Variants in PREX2 observed in about 807,000 individuals in gnomAD.
The protein encoded by PREX2 is phosphatidylinositol-3,4,5-trisphosphate dependent Rac exchange factor 2, also known as phosphatidylinositol 3,4,5-trisphosphate-dependent Rac exchanger 2 protein.
Under a neutral mutation model 203.2 loss-of-function variants are expected in PREX2, and 107 were observed. The observed-to-expected ratio is 0.53, with a 90% CI of 0.45 to 0.62. The LOEUF (loss-of-function observed/expected upper bound fraction) is 0.62. PREX2 is among the 20% of genes least tolerant of loss of function. The pLI is 0.00. For synonymous variants in PREX2, 672 were observed against 663.6 expected (o/e 1.01, Z -0.19); for missense variants, 1,777 against 1,955.9 (o/e 0.91, Z 1.72).
At chr8:67,967,606 G>C (rs940853787) in intron 1 of PREX2, among the ~76,000 whole-genome samples, 2 of 152,184 alleles carry the variant, frequency 1.3e-5, no homozygotes, top group African/African-American at 2.4e-5. Context: ...TAGCAGCGAG[G>C]GGATGGAAGC....
chr8:68,043,057 A>G (rs1808245240), intron 7 of PREX2, among the ~76,000 whole-genome samples: 2 of 152,226 alleles, frequency 1.3e-5, no homozygotes, highest in East Asian at 1.9e-4. Context: ...TCAAAACACC[A>G]TGATATTATT....
At chr8:68,114,660 C>G (rs1333917324) in intron 25 of PREX2, among the ~76,000 whole-genome samples, 1 of 152,206 alleles carries the variant, frequency 6.6e-6, no homozygotes, top group Non-Finnish European at 1.5e-5. Flanking sequence ...GCATTTTAGC[C>G]TGGAGCCAGG....
chr8:67,961,229 A>G (rs2129017364), intron 1 of PREX2, among the ~76,000 whole-genome samples: 1 of 152,146 alleles, frequency 6.6e-6, no homozygotes, highest in South Asian at 2.1e-4. Flanking sequence ...TTTCAGCACT[A>G]TTGGTTTGAC....
At chr8:68,067,995 T>C (rs1809071459) in intron 11 of PREX2, among the ~76,000 whole-genome samples, 2 of 152,232 alleles carry the variant, frequency 1.3e-5, no homozygotes, top group East Asian at 1.9e-4. Flanking sequence ...TTTTATTCTG[T>C]TAATGTGATG....
At position 68,018,018 on chromosome 8, in the gene PREX2, C is replaced by T. The variant is rs1807455292; in HGVS notation, c.213+101C>T. The T allele has an allele frequency of 6.2e-6, 5 of 809,294 alleles. 1 individual carries two copies. The South Asian group carries it at 7.4e-5, about 12-fold the overall frequency. The allele number at this position is 809,294 out of a possible 1,614,324, so 50.1% of individuals were successfully genotyped here. ...ACAGCCCTTCAGTTGATCGGCAGTTCCACTACAAGTTGCTGTTCCAGTCAG... is the reference window on the plus strand; with the variant it reads ...ACAGCCCTTCAGTTGATCGGCAGTTTCACTACAAGTTGCTGTTCCAGTCAG... On this transcript the variant is annotated intron_variant, in intron 2 of 39. Coordinates refer to ENST00000288368, the MANE Select transcript of PREX2 (RefSeq NM_024870.4).
intron 11 of PREX2, among the ~76,000 whole-genome samples, chr8:68,062,670 G>A (rs1472609590): frequency 6.6e-6 from 1 of 152,038 alleles, no homozygotes; most frequent in Non-Finnish European, 1.5e-5. Context: ...AAAAATCTTT[G>A]TATTCATTAC....
chr8:68,078,522 T>C (rs1809416953), intron 15 of PREX2, among the ~76,000 whole-genome samples: 1 of 152,198 alleles, frequency 6.6e-6, no homozygotes, highest in African/African-American at 2.4e-5. Context: ...CTTATACCTG[T>C]TTGTCAGTTA....
chr8:68,094,268 A>C (rs1314246754), intron 21 of PREX2, among the ~76,000 whole-genome samples: 2 of 152,224 alleles, frequency 1.3e-5, no homozygotes, highest in Non-Finnish European at 2.9e-5. Context: ...TTAAAATTCG[A>C]GAAGCCCTGC....
At chr8:68,051,647 A>G (rs905638453) in intron 8 of PREX2, among the ~76,000 whole-genome samples, 1 of 152,194 alleles carries the variant, frequency 6.6e-6, no homozygotes, top group Non-Finnish European at 1.5e-5. Flanking sequence ...ACTAATGCCC[A>G]TGAATACTTA....
intron 31 of PREX2, among the ~76,000 whole-genome samples, chr8:68,129,138 C>A (rs1810952778): frequency 6.6e-6 from 1 of 152,138 alleles, no homozygotes; most frequent in African/African-American, 2.4e-5. Flanking sequence ...TTAATAATAA[C>A]CAGCACATAG....
At chr8:68,112,228 A>C (rs1452533232) in intron 25 of PREX2, among the ~76,000 whole-genome samples, 1 of 152,248 alleles carries the variant, frequency 6.6e-6, no homozygotes, top group Non-Finnish European at 1.5e-5. Flanking sequence ...TGGAAAGTTA[A>C]AGACTTTTGC....
rs140338845 is a variant in PREX2, at chr8:68,169,921, A to G, written c.4346+12485A>G. On this transcript the variant is annotated intron_variant, in intron 35 of 39. Coordinates refer to ENST00000288368, the MANE Select transcript of PREX2 (RefSeq NM_024870.4). ...TGAACAAGTAAACAAGTCCATAAAC[A>G]AAGTCTTTTAGATGGTGGAAAATGC... Among the ~76,000 whole-genome samples, 801 of 152,318 alleles carry G rather than the reference A, an allele frequency of 5.3e-3. 2 individuals are homozygous for G. The highest frequency in any genetic ancestry group is 7.9e-3 in the Non-Finnish European group (539 of 68,032).
chr8:68,049,207 A>G (rs955318963), intron 8 of PREX2, among the ~76,000 whole-genome samples: 9 of 150,650 alleles, frequency 6.0e-5, no homozygotes, highest in African/African-American at 2.2e-4. Flanking sequence ...AAAATCAAAG[A>G]TTTATTCAAA....
chr8:68,178,008 A>G (rs1475921104), intron 35 of PREX2, among the ~76,000 whole-genome samples: 2 of 152,176 alleles, frequency 1.3e-5, no homozygotes, highest in African/African-American at 4.8e-5. Flanking sequence ...CATGGTTTAT[A>G]TATACCACAT....
intron 35 of PREX2, among the ~76,000 whole-genome samples, chr8:68,173,310 C>G (rs1233685178): frequency 1.3e-5 from 2 of 152,122 alleles, no homozygotes; most frequent in African/African-American, 4.8e-5. Flanking sequence ...TTGGAGACAT[C>G]TCAAGAAAAT....
At chr8:68,143,406 C>T (rs1242552795) in intron 33 of PREX2, among the ~76,000 whole-genome samples, 2 of 152,132 alleles carry the variant, frequency 1.3e-5, no homozygotes, top group African/African-American at 4.8e-5. Context: ...TTATAAGTTT[C>T]CTGAGGCCTC....
Position 68,234,827 on chromosome 8 carries a change from C to A in PREX2, c.*3449C>A, listed in dbSNP as rs1287716983. 6.6e-6 allele frequency: 1 copy of A among 151,970 alleles called. No homozygotes were observed. Among genetic ancestry groups the A allele is most frequent in the Non-Finnish European group, 1.5e-5 (1 of 68,014 alleles). The allele number at this position is 151,970 out of a possible 1,614,324, so 9.4% of individuals were successfully genotyped here. On this transcript the variant is annotated 3_prime_UTR_variant, in exon 40 of 40. Transcript: ENST00000288368. Reference sequence around the variant, plus strand: ...AAAATTAGGTAAACTTTTTATGATACTATAATATATATGACGTTGAAATGA... The same window carrying A: ...AAAATTAGGTAAACTTTTTATGATAATATAATATATATGACGTTGAAATGA...
chr8:68,050,717 T>A, intron 8 of PREX2, among the ~76,000 whole-genome samples: 1 of 152,176 alleles, frequency 6.6e-6, no homozygotes, highest in African/African-American at 2.4e-5. Flanking sequence ...TTATGTGCTT[T>A]CCAAAAGAGA....
At chr8:68,188,498 T>C (rs1812234082) in intron 35 of PREX2, among the ~76,000 whole-genome samples, 1 of 152,148 alleles carries the variant, frequency 6.6e-6, no homozygotes, top group South Asian at 2.1e-4. Flanking sequence ...CCCAAAGGAA[T>C]GCCATTGTAT....
Sources: gnomAD v4.1 joint callset for allele counts (sites outside exome capture counted in the v4.1 genomes callset) on GRCh38, gnomAD v4.1.1 for gene constraint, MANE v1.5 for transcripts, NCBI Gene and HGNC (gene_info 2026-07-23, HGNC 2026-07-21) for gene names.